Variants in RSRC1 observed in about 807,000 individuals in gnomAD.
RSRC1 encodes the protein serine/Arginine-related protein 53.
In RSRC1, 39 loss-of-function variants were observed where a neutral mutation model predicts 49.1. The observed-to-expected ratio is 0.79, with a 90% confidence interval of 0.61 to 1.04. RSRC1 has a LOEUF of 1.04. Among genes scored for constraint, RSRC1 ranks in the 50% least tolerant of loss-of-function variants. The pLI, the probability that RSRC1 is intolerant of heterozygous loss-of-function variation, is 0.00. For missense variants in RSRC1, 388 were observed against 402.4 expected (o/e 0.96, Z 0.31); for synonymous variants, 143 against 130.8 (o/e 1.09, Z -0.63).
intron 7 of RSRC1, among the ~76,000 whole-genome samples, chr3:158,479,308 A>G (rs1029961557): frequency 8.0e-5 from 12 of 150,886 alleles, no homozygotes; most frequent in Non-Finnish European, 1.8e-4. Flanking sequence ...ATATGGATAT[A>G]TGGATTCCCA....
chr3:158,212,868 A>T (rs1721760814), intron 4 of RSRC1, among the ~76,000 whole-genome samples: 1 of 151,980 alleles, frequency 6.6e-6, no homozygotes, highest in African/African-American at 2.4e-5. Context: ...CATCTTGAGT[A>T]TCCCTGATAT....
At chr3:158,296,592 C>T (rs1297324987) in intron 4 of RSRC1, among the ~76,000 whole-genome samples, 4 of 151,934 alleles carry the variant, frequency 2.6e-5, no homozygotes, top group Non-Finnish European at 5.9e-5. Flanking sequence ...TGACTTCCAG[C>T]TCCGATAAAT....
chr3:158,117,650 G>A (rs1047513899), intron 1 of RSRC1, among the ~76,000 whole-genome samples: 68 of 151,906 alleles, frequency 4.5e-4, no homozygotes, highest in Non-Finnish European at 8.7e-4. Flanking sequence ...TTTAAAGACA[G>A]GATCTCACCC....
chr3:158,335,959 T>G (rs1232925710), intron 5 of RSRC1, among the ~76,000 whole-genome samples: 3 of 152,188 alleles, frequency 2.0e-5, no homozygotes, highest in Admixed American at 6.5e-5. Context: ...GCCTCTAGAT[T>G]AAGTGCACAG....
At chr3:158,422,236 C>T (rs1735108042) in intron 6 of RSRC1, among the ~76,000 whole-genome samples, 1 of 122,164 alleles carries the variant, frequency 8.2e-6, no homozygotes, top group Non-Finnish European at 1.7e-5. Context: ...TCCCCCCACC[C>T]CACAACAGTC....
At chr3:158,268,910 A>C (rs533285074) in intron 4 of RSRC1, among the ~76,000 whole-genome samples, 2 of 152,298 alleles carry the variant, frequency 1.3e-5, no homozygotes, top group East Asian at 1.9e-4. Context: ...TTTCTCTGTT[A>C]TCTTAAACAT....
chr3:158,512,417 A>G (rs937236595), intron 7 of RSRC1, among the ~76,000 whole-genome samples: 1 of 149,566 alleles, frequency 6.7e-6, no homozygotes, highest in African/African-American at 2.5e-5. Context: ...CAAAGATCAG[A>G]TAGTTGTAGA....
chr3:158,257,186 T>C (rs1306234550), intron 4 of RSRC1, among the ~76,000 whole-genome samples: 1 of 152,188 alleles, frequency 6.6e-6, no homozygotes, highest in Non-Finnish European at 1.5e-5. Flanking sequence ...TTTAGACCTT[T>C]CCTGCTTTCT....
At chr3:158,129,685 G>C (rs531896880) in intron 3 of RSRC1, among the ~76,000 whole-genome samples, 1 of 151,862 alleles carries the variant, frequency 6.6e-6, no homozygotes, top group Non-Finnish European at 1.5e-5. Flanking sequence ...TTGTTTATTT[G>C]GTTCCATTCC....
intron 5 of RSRC1, chr3:158,302,666 C>CTTTTTTTTTTT (rs1559983974): frequency 2.5e-5 from 1 of 39,252 alleles, no homozygotes; most frequent in Non-Finnish European, 4.6e-5. Flanking sequence ...CTTTTTTCTT[C>CTTTTTTTTTTT]CTTTTTTTTT....
intron 3 of RSRC1, among the ~76,000 whole-genome samples, chr3:158,145,186 T>C: frequency 6.6e-6 from 1 of 152,208 alleles, no homozygotes; most frequent in Admixed American, 6.5e-5. Context: ...TTTTGGTGTT[T>C]TAGACATGAA....
chr3:158,215,375 C>CT (rs1721896014), intron 4 of RSRC1, among the ~76,000 whole-genome samples: 1 of 149,326 alleles, frequency 6.7e-6, no homozygotes, highest in Non-Finnish European at 1.5e-5. Context: ...ATCCTGGCCT[C>CT]TAGAAGTCCT....
intron 3 of RSRC1, among the ~76,000 whole-genome samples, chr3:158,168,877 G>C (rs62290092): frequency 2.4e-3 from 368 of 152,176 alleles, no homozygotes; most frequent in Non-Finnish European, 4.5e-3. Context: ...AAATTAAAAT[G>C]AAATTTTAAG....
At chr3:158,122,051 A>G in intron 1 of RSRC1, 52 bp from the exon 2 acceptor site, 1 of 1,032,964 alleles carries the variant, frequency 9.7e-7, no homozygotes, top group Non-Finnish European at 1.3e-6. Context: ...ATTGCATTTC[A>G]TCCATTGTGC....
chr3:158,249,781 T>C (rs1308148462), intron 4 of RSRC1, among the ~76,000 whole-genome samples: 1 of 152,190 alleles, frequency 6.6e-6, no homozygotes, highest in Non-Finnish European at 1.5e-5. Flanking sequence ...TCAGAATAAA[T>C]GGGGTATCCA....
intron 6 of RSRC1, among the ~76,000 whole-genome samples, chr3:158,413,232 A>G (rs1734555554): frequency 1.3e-5 from 2 of 152,140 alleles, no homozygotes; most frequent in African/African-American, 4.8e-5. Context: ...AAAACAAGCA[A>G]TGGGGAAAGG....
In RSRC1 at chr3:158,116,642, A is replaced by G. The variant is rs537879541; in HGVS notation, c.-2-5461A>G. ...TAAGGTGCCAGCAGTTTTGTCCACT[A>G]TTACTTTTGCACCATCAGTGCAAAA... On this transcript the variant is annotated intron_variant, in intron 1 of 9. Coordinates refer to ENST00000611884, the MANE Select transcript of RSRC1 (RefSeq NM_001271838.2). Among the ~76,000 whole-genome samples, 170 of 152,156 alleles carry G rather than the reference A, an allele frequency of 1.1e-3. 1 individual carries two copies. Among genetic ancestry groups the G allele is most frequent in the Admixed American group, 2.9e-3 (45 of 15,282 alleles).
chr3:158,118,572 C>T (rs1240642138), intron 1 of RSRC1, among the ~76,000 whole-genome samples: 1 of 152,128 alleles, frequency 6.6e-6, no homozygotes, highest in Non-Finnish European at 1.5e-5. Context: ...CTGTCATATG[C>T]ATCTGAGGAT....
At position 158,345,941 on chromosome 3, in the gene RSRC1, C is replaced by T. The variant is rs543318836; in HGVS notation, c.532-8916C>T. 3.0e-4 allele frequency among the ~76,000 whole-genome samples: 45 copies of T among 151,420 alleles called. 1 individual carries two copies. In the South Asian group the frequency reaches 9.0e-3, roughly 30 times the overall value. On this transcript the variant is annotated intron_variant, in intron 5 of 9. Transcript: ENST00000611884. ...AAGATAGTCTTTTCCACAGATGGTG[C>T]TGGAACAATTGGATAGCCATATATA...
Sources: gnomAD v4.1 joint callset for allele counts (sites outside exome capture counted in the v4.1 genomes callset) on GRCh38, gnomAD v4.1.1 for gene constraint, MANE v1.5 for transcripts, NCBI Gene and HGNC (gene_info 2026-07-23, HGNC 2026-07-21) for gene names.